Variants in ZNF700 observed in about 807,000 individuals in gnomAD.
ZNF700 encodes the protein zinc finger protein 700.
In ZNF700, 38 loss-of-function variants were observed where a neutral mutation model predicts 65.3. The observed-to-expected ratio is 0.58, with a 90% CI of 0.45 to 0.76. The LOEUF (loss-of-function observed/expected upper bound fraction) is 0.76, where lower values mean the gene tolerates loss of function less well. Ranked by LOEUF, ZNF700 falls within the 30% of genes least tolerant of loss-of-function variation. The pLI, the probability that ZNF700 is intolerant of heterozygous loss-of-function variation, is 0.00. For synonymous variants in ZNF700, 285 were observed against 290.4 expected (o/e 0.98, Z 0.19); for missense variants, 857 against 888.4 (o/e 0.96, Z 0.45).
At position 11,932,090 on chromosome 19, in the gene ZNF700, T is replaced by C. The variant is rs182337517; in HGVS notation, c.63+6817T>C. Among the ~76,000 whole-genome samples, 157 of 147,408 alleles carry C rather than the reference T, an allele frequency of 1.1e-3. 18 individuals are homozygous for C. Among genetic ancestry groups the C allele is most frequent in the Admixed American group, 2.8e-3 (42 of 14,964 alleles). The stretch of plus-strand genomic sequence containing the variant: ...AGATCCCAAGATCGTGCCATTGCAC[T>C]TCAGCCCAGGCAGCAAGAGTGAAAC... On this transcript the variant is annotated intron_variant, in intron 1 of 3. Coordinates refer to ENST00000254321, the MANE Select transcript of ZNF700 (RefSeq NM_144566.3).
Position 11,929,166 on chromosome 19 carries a change from GT to G in ZNF700, c.63+3898del, listed in dbSNP as rs552418897. 7.6e-4 allele frequency among the ~76,000 whole-genome samples: 112 copies of G among 148,084 alleles called. 5 individuals are homozygous for G. The South Asian group carries it at 0.023, about 30-fold the overall frequency. On this transcript the variant is annotated intron_variant, in intron 1 of 3. Transcript: ENST00000254321. ...GCTTAAATTTTTGAATTACTTTGTT[GT>G]TTTTGTTGTTTGTTTTGAGATAGGG...
chr19:11,946,467 G>T lies in ZNF700; in HGVS notation c.64-714G>T, dbSNP rs752208912. 2.0e-5 allele frequency among the ~76,000 whole-genome samples: 3 copies of T among 152,052 alleles called. No homozygotes were observed. In the East Asian group the frequency reaches 5.8e-4, roughly 29 times the overall value. Reference sequence around the variant, plus strand: ...GGCGGGTGGGGAGAGATCCCTCATTGGCTATCTGTCCCTTTGCCACTAACA... The same window carrying T: ...GGCGGGTGGGGAGAGATCCCTCATTTGCTATCTGTCCCTTTGCCACTAACA... On this transcript the variant is annotated intron_variant, in intron 1 of 3. Transcript: ENST00000254321.
intron 1 of ZNF700, among the ~76,000 whole-genome samples, chr19:11,937,484 TC>T (rs1356943272): frequency 6.8e-6 from 1 of 146,490 alleles, no homozygotes; most frequent in East Asian, 1.9e-4. Flanking sequence ...TTTCTTTTTT[TC>T]TTTCCTTTTT....
chr19:11,925,804 C>A (rs1187294175), intron 1 of ZNF700, among the ~76,000 whole-genome samples: 5 of 152,220 alleles, frequency 3.3e-5, no homozygotes, highest in Admixed American at 2.6e-4. Context: ...GAAGTTTATT[C>A]AGAGCCGAAT....
intron 1 of ZNF700, among the ~76,000 whole-genome samples, chr19:11,930,123 G>C (rs1214856661): frequency 6.7e-6 from 1 of 148,294 alleles, no homozygotes; most frequent in Non-Finnish European, 1.5e-5. Flanking sequence ...TGGTGGAGGA[G>C]ATGCCTGGTA....
At chr19:11,939,392 T>C (rs1286417659) in intron 1 of ZNF700, among the ~76,000 whole-genome samples, 1 of 152,220 alleles carries the variant, frequency 6.6e-6, no homozygotes, top group Non-Finnish European at 1.5e-5. Flanking sequence ...CATCTTGAAT[T>C]AATTTTTGTA....
At position 11,948,590 on chromosome 19, in the gene ZNF700, C is replaced by T. The variant is rs777589496; in HGVS notation, c.566C>T (p.Thr189Ile). 6.2e-7 allele frequency: 1 copy of T among 1,607,852 alleles called. No homozygotes were observed. Among genetic ancestry groups the T allele is most frequent in the Admixed American group, 1.7e-5 (1 of 57,624 alleles). Residue 189 changes from threonine (T) to isoleucine (I), a missense_variant, in exon 4 of 4, where the codon ACT becomes ATT. Around this residue, in one of 3 missense-constraint regions of ZNF700, gnomAD observed 603 missense variants for 619.9 expected, o/e 0.97. Transcript: ENST00000254321. Reference protein sequence around the residue: ...PSIRTQERDHTGEKPYACKVC... With the variant: ...PSIRTQERDHIGEKPYACKVC... ...ATTAGAACACAAGAAAGGGATCACA[C>T]TGGAGAGAAACCCTATGCTTGTAAA...
chr19:11,948,443 C>T lies in ZNF700; in HGVS notation c.419C>T (p.Ser140Phe), dbSNP rs569718617. The T allele has an allele frequency of 6.2e-7, 1 of 1,614,090 alleles. No individual in the cohort carries two copies. The highest frequency in any genetic ancestry group is 1.3e-5 in the African/African-American group (1 of 75,030). Residue 140 changes from serine (S) to phenylalanine (F), a missense_variant, in exon 4 of 4, where the codon TCT (serine) becomes TTT (phenylalanine). Ser to Phe is a radical substitution (Grantham distance 155). Coordinates refer to ENST00000254321, the MANE Select transcript of ZNF700 (RefSeq NM_144566.3). ...VCAEVGIGNS[S>F]FNMSIRGDTG... Reference sequence around the variant, plus strand: ...GCAGAAGTTGGCATAGGTAACTCATCTTTTAATATGAGCATCAGAGGTGAC... The same window carrying T: ...GCAGAAGTTGGCATAGGTAACTCATTTTTTAATATGAGCATCAGAGGTGAC...
At chr19:11,935,666 T>C (rs1568292220) in intron 1 of ZNF700, among the ~76,000 whole-genome samples, 1 of 152,222 alleles carries the variant, frequency 6.6e-6, no homozygotes, top group Non-Finnish European at 1.5e-5. Context: ...TTTTATTCTG[T>C]TAACAAAGTC....
Position 11,949,077 on chromosome 19 carries a change from A to G in ZNF700, c.1053A>G (p.Thr351=). ...EGLSYLISFQ[T]HIRMNSGERP... is the part of the protein sequence containing the mutation. ...TATCCTATCTTATAAGTTTTCAAAC[A>G]CACATAAGAATGAACTCTGGAGAAA... Residue 351 remains threonine, a synonymous_variant, in exon 4 of 4, where the codon ACA becomes ACG. Coordinates refer to ENST00000254321, the MANE Select transcript of ZNF700 (RefSeq NM_144566.3). 1 of 1,610,062 alleles carries G rather than the reference A, an allele frequency of 6.2e-7. No homozygotes were observed.
chr19:11,935,477 C>T (rs1453606409), intron 1 of ZNF700, among the ~76,000 whole-genome samples: 1 of 151,956 alleles, frequency 6.6e-6, no homozygotes, highest in Non-Finnish European at 1.5e-5. Flanking sequence ...GATGATCCAC[C>T]CACCTCAGCC....
At chr19:11,930,229 G>A (rs951060709) in intron 1 of ZNF700, among the ~76,000 whole-genome samples, 1 of 148,506 alleles carries the variant, frequency 6.7e-6, no homozygotes, top group Non-Finnish European at 1.5e-5. Context: ...TCAGCTAATT[G>A]GATGTTGCTA....
Position 11,948,980 on chromosome 19 carries a change from G to C in ZNF700, c.956G>C (p.Ser319Thr), listed in dbSNP as rs138001710. 34 of 1,607,940 alleles carry C rather than the reference G, an allele frequency of 2.1e-5. 1 individual carries two copies. The East Asian group carries it at 6.5e-4, about 31-fold the overall frequency. The change falls in exon 4 of 4, where the codon AGT becomes ACT. Residue 319 changes from serine to threonine, a missense_variant. By Grantham distance (58) the Ser-to-Thr change is moderately conservative. Coordinates refer to ENST00000254321, the MANE Select transcript of ZNF700 (RefSeq NM_144566.3). ...KECGKAFAYT[S>T]SLRRHERTHS... ...TGTGGAAAAGCATTTGCATATACCA[G>C]TTCTCTTCGTAGACATGAAAGGACC... is the stretch of plus-strand genomic sequence containing the variant.
chr19:11,937,552 C>T (rs1445056691), intron 1 of ZNF700, among the ~76,000 whole-genome samples: 1 of 149,638 alleles, frequency 6.7e-6, no homozygotes. Flanking sequence ...GCAGTGGCGC[C>T]ATCTCGGCTC....
rs753293558 is a variant in ZNF700, at chr19:11,947,503, C to T, written c.191-11C>T. The T allele has an allele frequency of 1.2e-6, 2 of 1,611,614 alleles. No individual in the cohort carries two copies. Among genetic ancestry groups the T allele is most frequent in the Non-Finnish European group, 1.7e-6 (2 of 1,179,346 alleles). The stretch of plus-strand genomic sequence containing the variant: ...CTGCTTCAGGACTATTTTTCTGTGT[C>T]TGTATTTTAGGAAAAAAATGGAGTG... On this transcript the variant is annotated splice_polypyrimidine_tract_variant and intron_variant, in intron 2 of 3. Transcript: ENST00000254321.
chr19:11,934,269 G>A (rs1972757084), intron 1 of ZNF700, among the ~76,000 whole-genome samples: 1 of 148,008 alleles, frequency 6.8e-6, no homozygotes, highest in Admixed American at 6.6e-5. Context: ...GAGGACTTTT[G>A]TGTGGACATC....
At chr19:11,938,400 A>G (rs1298530771) in intron 1 of ZNF700, among the ~76,000 whole-genome samples, 1 of 152,064 alleles carries the variant, frequency 6.6e-6, no homozygotes, top group Non-Finnish European at 1.5e-5. Flanking sequence ...CTACCCCATG[A>G]CAGGCCCCGG....
At chr19:11,940,023 T>G (rs1306652678) in intron 1 of ZNF700, 10 of 151,828 alleles carry the variant, frequency 6.6e-5, no homozygotes, top group African/African-American at 2.4e-4. Flanking sequence ...CCTCTGCCTT[T>G]CAGGTTCAAG....
At chr19:11,944,419 T>C (rs1305763420) in intron 1 of ZNF700, among the ~76,000 whole-genome samples, 1 of 152,188 alleles carries the variant, frequency 6.6e-6, no homozygotes, top group Non-Finnish European at 1.5e-5. Context: ...ACTCCACCTT[T>C]CCGGAACTCT....
Sources: gnomAD v4.1 joint callset for allele counts (sites outside exome capture counted in the v4.1 genomes callset) on GRCh38, gnomAD v4.1.1 for gene constraint, gnomAD v4.1.1 regional missense constraint, MANE v1.5 for transcripts, NCBI Gene and HGNC (gene_info 2026-07-23, HGNC 2026-07-21) for gene names.